The following PLK5 variants were observed in gnomAD, a reference collection of about 807,000 sequenced individuals.
PLK5 encodes inactive serine/threonine-protein kinase PLK5.
PLK5 carries 28 observed loss-of-function variants against 33.7 expected under a neutral mutation model. The observed-to-expected ratio is 0.83, with a 90% CI of 0.62 to 1.14. The LOEUF (loss-of-function observed/expected upper bound fraction) is 1.14, where lower values mean the gene tolerates loss of function less well. Ranked by LOEUF, PLK5 falls within the 50% of genes most tolerant of loss-of-function variation. PLK5 has a pLI of 0.00. For synonymous variants in PLK5, 225 were observed against 202.2 expected, an observed-to-expected ratio of 1.11 and a Z score of -0.96; for missense variants, 492 against 461.5, an observed-to-expected ratio of 1.07 and a Z score of -0.61.
At chr19:1,529,615 G>A in intron 10 of PLK5, 125 bp downstream of exon 10, 1 of 1,411,028 alleles carries the variant, frequency 7.1e-7, no homozygotes. Flanking sequence ...TTTCCCGCCT[G>A]TCAAATGGGA....
rs72161208 is a variant in PLK5, at chr19:1,535,541, CCT to C, written c.*292_*293del. 0.025 allele frequency: 10,409 copies of C among 420,610 alleles called. 917 individuals carry two copies. The highest frequency in any genetic ancestry group is 0.19 in the African/African-American group (9,229 of 47,580). 26.1% of individuals were successfully genotyped at this position (420,610 alleles called of 1,614,324 possible). A position where few individuals can be genotyped will look rare whatever the true frequency, so the allele number is the denominator to read the frequency against. On this transcript the variant is annotated 3_prime_UTR_variant, in exon 14 of 14. Coordinates refer to ENST00000454744, the MANE Select transcript of PLK5 (RefSeq NM_001243079.2). ...TGACCCCACGTGACGTTGCATCCTCCCTGTTTCTCTTAGTGGCAGAGGTGGGT... is the reference window on the plus strand; with the variant it reads ...TGACCCCACGTGACGTTGCATCCTCCGTTTCTCTTAGTGGCAGAGGTGGGT...
intron 12 of PLK5, among the ~76,000 whole-genome samples, chr19:1,532,668 G>A (rs556724831): frequency 6.1e-4 from 93 of 151,978 alleles, no homozygotes; most frequent in Non-Finnish European, 1.1e-3. Context: ...GATTACAGGT[G>A]CCCGCCACCA....
rs1416775306 is a variant in PLK5, at chr19:1,528,065, C to T, written c.132C>T (p.His44=). ...LSANARRLIV[H]LLAPNPAERP... ...CCAATGCGCGCCGCCTCATCGTGCA[C>T]CTCCTAGCACCCAACCCGGCCGAGC... Residue 44 remains histidine, a synonymous_variant, in exon 7 of 14, where the codon CAC becomes CAT. Coordinates refer to ENST00000454744, the MANE Select transcript of PLK5 (RefSeq NM_001243079.2). 2.0e-6 allele frequency: 3 copies of T among 1,536,078 alleles called. No homozygotes were observed. The highest frequency in any genetic ancestry group is 2.6e-6 in the Non-Finnish European group (3 of 1,146,852).
intron 12 of PLK5, among the ~76,000 whole-genome samples, chr19:1,532,295 C>T (rs577730258): frequency 7.2e-5 from 11 of 152,118 alleles, no homozygotes; most frequent in South Asian, 2.1e-4. Context: ...AATCCTGGCA[C>T]GTTGGAGGCT....
Position 1,528,343 on chromosome 19 carries a change from T to TC in PLK5, c.249dup (p.Ile84HisfsTer32), listed in dbSNP as rs1371351206. On this transcript the variant is annotated frameshift_variant, in exon 8 of 14. Transcript: ENST00000454744. LOFTEE classifies it high-confidence loss of function. Reference sequence around the variant, plus strand: ...GGCTGCCGGCCCACTCCTGCCACAGTCCCCCCATCTTCGCCATACCCCCGC... The same window carrying TC: ...GGCTGCCGGCCCACTCCTGCCACAGTCCCCCCCATCTTCGCCATACCCCCGC... The TC allele has an allele frequency of 3.3e-6, 5 of 1,534,436 alleles. No homozygotes were observed. Among genetic ancestry groups the TC allele is most frequent in the African/African-American group, 1.4e-5 (1 of 72,648 alleles).
chr19:1,530,303 CTTTT>C (rs913300580), intron 11 of PLK5, among the ~76,000 whole-genome samples: 2 of 151,428 alleles, frequency 1.3e-5, no homozygotes, highest in African/African-American at 4.8e-5. Context: ...CCTTTTCTTT[CTTTT>C]TTTTTAAGAG....
At position 1,535,194 on chromosome 19, in the gene PLK5, G is replaced by A. The variant is rs1313809897; in HGVS notation, c.955G>A (p.Ala319Thr). The A allele has an allele frequency of 1.9e-5, 29 of 1,535,404 alleles. No homozygotes were observed. The highest frequency in any genetic ancestry group is 2.4e-5 in the South Asian group (2 of 84,044). The change falls in exon 14 of 14, where the codon GCC becomes ACC. Residue 319 changes from alanine (A) to threonine (T), a missense_variant. Transcript: ENST00000454744. ...GGACGTCCCGCGGAGCCACGGCTGC[G>A]CCCCCACCACCGGACAGCACCTTCA... ...SLDVPRSHGC[A>T]PTTGQHLHHA...
chr19:1,531,175 C>G (rs1357774938), intron 11 of PLK5, among the ~76,000 whole-genome samples: 1 of 151,948 alleles, frequency 6.6e-6, no homozygotes, highest in African/African-American at 2.4e-5. Flanking sequence ...CTTTGGGAGG[C>G]TGAAGCAGGT....
intron 13 of PLK5, 91 bp downstream of exon 13, chr19:1,534,132 CT>C: frequency 1.1e-6 from 1 of 882,346 alleles, no homozygotes; most frequent in Non-Finnish European, 1.7e-6. Flanking sequence ...TTGGGGGAGC[CT>C]TAGGAAGCAT....
chr19:1,532,655 T>C (rs568636878), intron 12 of PLK5, among the ~76,000 whole-genome samples: 38 of 151,934 alleles, frequency 2.5e-4, no homozygotes, highest in Non-Finnish European at 4.4e-4. Context: ...CCTAAGTAGC[T>C]GGGATTACAG....
At position 1,535,178 on chromosome 19, in the gene PLK5, G is replaced by T. The variant is rs574026593; in HGVS notation, c.939G>T (p.Pro313=). 6.5e-7 allele frequency: 1 copy of T among 1,526,790 alleles called. No homozygotes were observed. The highest frequency in any genetic ancestry group is 2.0e-5 in the Admixed American group (1 of 49,900). The allele number at this position is 1,526,790 out of a possible 1,614,324, so 94.6% of individuals were successfully genotyped here. A position where few individuals can be genotyped will look rare whatever the true frequency, so the allele number is the denominator to read the frequency against. The stretch of plus-strand genomic sequence containing the variant: ...GCACCTCCTACTCCCTGGACGTCCC[G>T]CGGAGCCACGGCTGCGCCCCCACCA... ...SPGTSYSLDV[P]RSHGCAPTTG... Residue 313 remains proline, a synonymous_variant, in exon 14 of 14, where the codon CCG becomes CCT. Transcript: ENST00000454744.
rs1456377881 is a variant in PLK5, at chr19:1,533,834, C to T, written c.715-97C>T. ...GCAGCTCTTTGCCGGCTGCCTGCGG[C>T]GGCGGCTGCGGGAGGTGAGAGCTGG... is the stretch of plus-strand genomic sequence containing the variant. On this transcript the variant is annotated intron_variant, in intron 12 of 13. Coordinates refer to ENST00000454744, the MANE Select transcript of PLK5 (RefSeq NM_001243079.2). 31 of 838,726 alleles carry T rather than the reference C, an allele frequency of 3.7e-5. No homozygotes were observed. In the East Asian group the frequency reaches 6.7e-4, roughly 18 times the overall value. The allele number at this position is 838,726 out of a possible 1,614,324, so 52.0% of individuals were successfully genotyped here.
rs72987569 is a variant in PLK5 at position 1,535,567 on chromosome 19, G to T, written c.*317G>T. The T allele has an allele frequency of 3.3e-3, 1,199 of 362,188 alleles. 3 individuals are homozygous for T. Among genetic ancestry groups the T allele is most frequent in the South Asian group, 4.2e-3 (119 of 28,488 alleles). The allele number at this position is 362,188 out of a possible 1,614,324, so 22.4% of individuals were successfully genotyped here. On this transcript the variant is annotated 3_prime_UTR_variant, in exon 14 of 14. Transcript: ENST00000454744. ...CTGTTTCTCTTAGTGGCAGAGGTGG[G>T]TTACATTTTCACTAATGCAGACATT...
In PLK5 at chr19:1,529,972, T is replaced by C. The variant is rs1033487567; in HGVS notation, c.568+148T>C. ...CCAGGACACGGTGACATCAGGAGAG[T>C]GGGTTAGCCCTCCTGTGTGCAGAGC... On this transcript the variant is annotated intron_variant, in intron 11 of 13. Transcript: ENST00000454744. The C allele has an allele frequency of 2.1e-5, 17 of 810,736 alleles. No homozygotes were observed. In the African/African-American group the frequency reaches 3.0e-4, roughly 14 times the overall value. The allele number at this position is 810,736 out of a possible 1,614,324, so 50.2% of individuals were successfully genotyped here. A position where few individuals can be genotyped will look rare whatever the true frequency, so the allele number is the denominator to read the frequency against.
intron 9 of PLK5, 57 bp from the exon 10 acceptor site, chr19:1,529,349 C>G (rs118027195): frequency 2.0e-5 from 28 of 1,431,984 alleles, no homozygotes; most frequent in Non-Finnish European, 2.6e-5. Flanking sequence ...ACCCACCTCA[C>G]GCCTGTCCCT....
At chr19:1,527,510 G>T (rs1413028920) in intron 6 of PLK5, among the ~76,000 whole-genome samples, 2 of 152,154 alleles carry the variant, frequency 1.3e-5, no homozygotes, top group Non-Finnish European at 2.9e-5. Flanking sequence ...GCTGAGTTGG[G>T]AGGATTGCTT....
chr19:1,533,479 G>A (rs557155336), intron 12 of PLK5, among the ~76,000 whole-genome samples: 1 of 152,180 alleles, frequency 6.6e-6, no homozygotes, highest in African/African-American at 2.4e-5. Context: ...GGCCTGGGCT[G>A]TGCTGGTGAC....
At position 1,529,732 on chromosome 19, in the gene PLK5, G is replaced by T. The variant is rs1474229916; in HGVS notation, c.491-15G>T. On this transcript the variant is annotated splice_polypyrimidine_tract_variant and intron_variant, in intron 10 of 13. Transcript: ENST00000454744. ...AACCCAGACCTGTCTGCGGCACAAA[G>T]ACCTGTCTTCCCAGGGCCCGAGGGG... The T allele has an allele frequency of 6.5e-7, 1 of 1,536,018 alleles. No individual in the cohort carries two copies. The highest frequency in any genetic ancestry group is 1.2e-5 in the South Asian group (1 of 84,064).
In PLK5 at chr19:1,529,760, C is replaced by T; in HGVS notation, c.504C>T (p.Ser168=). The change falls in exon 11 of 14, where the codon AGC becomes AGT. Residue 168 remains serine (S), a synonymous_variant. Transcript: ENST00000454744. ...CTGTCTTCCCAGGGCCCGAGGGGAG[C>T]CGGCGGCCAGAGGTGGAGGCGGCCC... The part of the protein sequence containing the change: ...LQSDLAGPEG[S]RRPEVEAALR... The T allele has an allele frequency of 2.0e-6, 3 of 1,536,034 alleles. No homozygotes were observed. The highest frequency in any genetic ancestry group is 8.7e-7 in the Non-Finnish European group (1 of 1,146,870).
Sources: allele counts gnomAD v4.1 joint callset (sites outside exome capture counted in the v4.1 genomes callset), GRCh38; gene constraint gnomAD v4.1.1; transcripts MANE v1.5; gene names NCBI Gene and HGNC (gene_info 2026-07-23, HGNC 2026-07-21).